The following MAGI1 variants were observed in gnomAD, a reference collection of about 807,000 sequenced individuals.
MAGI1 encodes the protein membrane-associated guanylate kinase, WW and PDZ domain-containing protein 1.
Under a neutral mutation model 139.9 loss-of-function variants are expected in MAGI1, and 58 were observed. That is an observed-to-expected ratio of 0.41 (90% CI 0.34 to 0.52). The LOEUF is 0.52. MAGI1 is among the 20% of genes least tolerant of loss of function. The pLI is 0.12. For missense variants in MAGI1, 1,874 were observed against 1,901.6 expected (o/e 0.99, Z 0.27); for synonymous variants, 812 against 737.9 (o/e 1.10, Z -1.63).
rs1194853098 is a variant in MAGI1, at chr3:65,637,203, CAT to C, written c.314-15117_314-15116del. The stretch of plus-strand genomic sequence containing the variant: ...AGTTATACTTAAGTGCCCCTTTACA[CAT>C]ATGTGGAATCTTCTTTCTTATTTTT... On this transcript the variant is annotated intron_variant, in intron 1 of 22. Transcript: ENST00000402939. 5.9e-5 allele frequency among the ~76,000 whole-genome samples: 9 copies of C among 152,196 alleles called. No homozygotes were observed. The South Asian group carries it at 1.5e-3, about 25-fold the overall frequency.
At chr3:65,940,773 T>C (rs1315860199) in intron 1 of MAGI1, among the ~76,000 whole-genome samples, 1 of 152,232 alleles carries the variant, frequency 6.6e-6, no homozygotes, top group Non-Finnish European at 1.5e-5. Context: ...CGTATCAGAC[T>C]GCACAATCCA....
At chr3:65,876,307 TG>T (rs1299754951) in intron 1 of MAGI1, among the ~76,000 whole-genome samples, 1 of 151,926 alleles carries the variant, frequency 6.6e-6, no homozygotes, top group African/African-American at 2.4e-5. Context: ...CACTCCAGCC[TG>T]GGCAATATGG....
intron 1 of MAGI1, chr3:65,720,054 T>C (rs992880128): frequency 6.6e-6 from 1 of 152,216 alleles, no homozygotes; most frequent in Non-Finnish European, 1.5e-5. Context: ...ATGGAGTCTT[T>C]GGGTGAAGTC....
At chr3:65,589,128 A>T (rs2081837930) in intron 2 of MAGI1, among the ~76,000 whole-genome samples, 1 of 152,228 alleles carries the variant, frequency 6.6e-6, no homozygotes. Context: ...GTATGTGGAC[A>T]GAAAACTGGG....
chr3:65,565,835 C>T (rs1174533928), intron 2 of MAGI1, among the ~76,000 whole-genome samples: 1 of 136,266 alleles, frequency 7.3e-6, no homozygotes, highest in South Asian at 2.4e-4. Flanking sequence ...CCAGACTGGG[C>T]GACAGGGCGA....
In MAGI1 at chr3:65,908,266, A is replaced by G. The variant is rs373435757; in HGVS notation, c.313+129730T>C. On this transcript the variant is annotated intron_variant, in intron 1 of 22. Transcript: ENST00000402939. ...CAACCTCTTTTTCCTGGTGTTGAACACTCTTCTCTCTGCCAATACTGTCCA... is the reference window on the plus strand; with the variant it reads ...CAACCTCTTTTTCCTGGTGTTGAACGCTCTTCTCTCTGCCAATACTGTCCA... Among the ~76,000 whole-genome samples, 69 of 151,356 alleles carry G rather than the reference A, an allele frequency of 4.6e-4. 1 individual carries two copies. Among genetic ancestry groups the G allele is most frequent in the African/African-American group, 1.6e-3 (65 of 41,230 alleles).
At chr3:65,423,536 C>A (rs1442570490) in intron 12 of MAGI1, among the ~76,000 whole-genome samples, 7 of 152,220 alleles carry the variant, frequency 4.6e-5, no homozygotes, top group Non-Finnish European at 1.0e-4. Flanking sequence ...ACTTTGCCCA[C>A]AGACTTCAGG....
chr3:65,648,799 C>T (rs953127325), intron 1 of MAGI1, among the ~76,000 whole-genome samples: 6 of 152,136 alleles, frequency 3.9e-5, no homozygotes, highest in Admixed American at 6.5e-5. Context: ...CTTGATTTTA[C>T]AACTTAATAT....
At chr3:65,362,267 A>G (rs551251683) in intron 21 of MAGI1, among the ~76,000 whole-genome samples, 10 of 152,350 alleles carry the variant, frequency 6.6e-5, no homozygotes. Context: ...ACTATACACC[A>G]TTATACAAAG....
intron 1 of MAGI1, among the ~76,000 whole-genome samples, chr3:65,808,477 G>A (rs1311279362): frequency 6.6e-6 from 1 of 152,108 alleles, no homozygotes; most frequent in Non-Finnish European, 1.5e-5. Flanking sequence ...CAGCCTGGAT[G>A]ACAGAGCAAG....
intron 12 of MAGI1, among the ~76,000 whole-genome samples, chr3:65,418,031 C>A (rs1946355487): frequency 6.6e-6 from 1 of 152,138 alleles, no homozygotes; most frequent in South Asian, 2.1e-4. Context: ...AGGTATGTGA[C>A]AGGTACCTAC....
chr3:65,684,613 T>G (rs2087862012), intron 1 of MAGI1, among the ~76,000 whole-genome samples: 1 of 152,054 alleles, frequency 6.6e-6, no homozygotes, highest in Non-Finnish European at 1.5e-5. Flanking sequence ...CCTACATGGG[T>G]GAAAAAATTG....
Position 65,379,573 on chromosome 3 carries a change from C to T in MAGI1, c.2702-19G>A, listed in dbSNP as rs1442218904. ...TTGGGCACTGTAGCAGAGAGATGCA[C>T]GCGTACATCACCGTGTCCTGCAGCC... On this transcript the variant is annotated intron_variant, in intron 16 of 22. Transcript: ENST00000402939. 3.1e-6 allele frequency: 5 copies of T among 1,593,542 alleles called. No individual in the cohort carries two copies. The highest frequency in any genetic ancestry group is 1.1e-5 in the South Asian group (1 of 89,754).
intron 1 of MAGI1, among the ~76,000 whole-genome samples, chr3:66,014,953 C>A (rs761663992): frequency 6.6e-6 from 1 of 152,144 alleles, no homozygotes; most frequent in African/African-American, 2.4e-5. Flanking sequence ...CCAGTTCTAA[C>A]CCTAACTGAC....
chr3:65,569,841 T>C (rs2080864402), intron 2 of MAGI1, among the ~76,000 whole-genome samples: 1 of 151,760 alleles, frequency 6.6e-6, no homozygotes, highest in African/African-American at 2.4e-5. Flanking sequence ...TACCACTGCG[T>C]TCCAGTCTGG....
intron 13 of MAGI1, 44 bp downstream of exon 13, chr3:65,401,395 C>CAA: frequency 1.0e-5 from 6 of 592,246 alleles, no homozygotes; most frequent in African/African-American, 1.9e-5. Flanking sequence ...CCCCCACCAT[C>CAA]CACCCCAGCC....
intron 1 of MAGI1, among the ~76,000 whole-genome samples, chr3:65,703,362 C>T (rs2089750541): frequency 6.6e-6 from 1 of 152,078 alleles, no homozygotes; most frequent in South Asian, 2.1e-4. Flanking sequence ...TTGCCCTGGA[C>T]AAGTTTTCTC....
In MAGI1 at chr3:65,378,684, T is replaced by C. The variant is rs906945254; in HGVS notation, c.2995+577A>G. 3.5e-4 allele frequency among the ~76,000 whole-genome samples: 36 copies of C among 102,478 alleles called. No individual in the cohort carries two copies. In the East Asian group the frequency reaches 4.8e-3, roughly 14 times the overall value. The allele number at this position is 102,478 out of a possible 152,430, so 67.2% of individuals were successfully genotyped here. A position where few individuals can be genotyped will look rare whatever the true frequency, so the allele number is the denominator to read the frequency against. ...ATTTCTTTTCTTTCCTTTCCTTTTCTTTTTTTTTTTTTTTTAAGACAGAGT... is the reference window on the plus strand; with the variant it reads ...ATTTCTTTTCTTTCCTTTCCTTTTCCTTTTTTTTTTTTTTTAAGACAGAGT... On this transcript the variant is annotated intron_variant, in intron 17 of 22. Coordinates refer to ENST00000402939, the MANE Select transcript of MAGI1 (RefSeq NM_001033057.2).
At chr3:65,578,746 C>T (rs1162613601) in intron 2 of MAGI1, among the ~76,000 whole-genome samples, 1 of 152,060 alleles carries the variant, frequency 6.6e-6, no homozygotes, top group African/African-American at 2.4e-5. Context: ...ATGGTGAAAC[C>T]CCATCTCTAC....
Sources: gnomAD v4.1 joint callset for allele counts (sites outside exome capture counted in the v4.1 genomes callset) on GRCh38, gnomAD v4.1.1 for gene constraint, MANE v1.5 for transcripts, NCBI Gene and HGNC (gene_info 2026-07-23, HGNC 2026-07-21) for gene names.